Variants in APLF observed in about 807,000 individuals in gnomAD.
APLF encodes aprataxin and PNK-like factor.
A neutral mutation model predicts 55.6 loss-of-function variants in APLF; 61 were observed. That is an observed-to-expected ratio of 1.10 (90% CI 0.89 to 1.36). The LOEUF is 1.36. Ranked by LOEUF, APLF falls within the 40% of genes most tolerant of loss-of-function variation. The pLI, the probability that APLF is intolerant of heterozygous loss-of-function variation, is 0.00. For synonymous variants in APLF, 207 were observed against 214.8 expected, an observed-to-expected ratio of 0.96 and a Z score of 0.32; for missense variants, 611 against 602.5, an observed-to-expected ratio of 1.01 and a Z score of -0.15.
chr2:68,471,917 C>G (rs1675629060), intron 1 of APLF, among the ~76,000 whole-genome samples: 1 of 152,070 alleles, frequency 6.6e-6, no homozygotes, highest in Non-Finnish European at 1.5e-5. Context: ...GGTCAGGGTA[C>G]AGCTTGGTTT....
chr2:68,515,783 A>G lies in APLF; in HGVS notation c.622+2103A>G, dbSNP rs1037990059. On this transcript the variant is annotated intron_variant, in intron 5 of 9. Transcript: ENST00000303795. Reference sequence around the variant, plus strand: ...ACCGTGGGAGAAGTACTTTATAAGAACAAGATTAGGTTACTTAATTCCTTT... The same window carrying G: ...ACCGTGGGAGAAGTACTTTATAAGAGCAAGATTAGGTTACTTAATTCCTTT... 1.0e-5 allele frequency: 10 copies of G among 954,806 alleles called. No homozygotes were observed. In the African/African-American group the frequency reaches 1.8e-4, roughly 17 times the overall value. The allele number at this position is 954,806 out of a possible 1,614,324, so 59.1% of individuals were successfully genotyped here.
intron 6 of APLF, among the ~76,000 whole-genome samples, chr2:68,528,006 C>A (rs1670125931): frequency 6.6e-6 from 1 of 151,478 alleles, no homozygotes; most frequent in South Asian, 2.1e-4. Context: ...GCGCTCGTCA[C>A]TTCCCAGAGA....
At chr2:68,471,152 C>T (rs573762604) in intron 1 of APLF, among the ~76,000 whole-genome samples, 3 of 152,300 alleles carry the variant, frequency 2.0e-5, no homozygotes, top group Admixed American at 6.5e-5. Context: ...TTCGGCATCT[C>T]AGCCTCTCAT....
rs78019533 is a variant in APLF, at chr2:68,512,158, A to G, written c.342-922A>G. 5.4e-3 allele frequency among the ~76,000 whole-genome samples: 814 copies of G among 151,750 alleles called. 58 individuals are homozygous for G. The East Asian group carries it at 0.14, about 27-fold the overall frequency. On this transcript the variant is annotated intron_variant, in intron 3 of 9. Transcript: ENST00000303795. Reference sequence around the variant, plus strand: ...AAATACTACTAGAGTGAGATATAGAACATTTCCATTTCCCCAAATGTTCTC... The same window carrying G: ...AAATACTACTAGAGTGAGATATAGAGCATTTCCATTTCCCCAAATGTTCTC...
intron 1 of APLF, among the ~76,000 whole-genome samples, chr2:68,470,413 A>T (rs1675580789): frequency 6.6e-6 from 1 of 152,200 alleles, no homozygotes; most frequent in Admixed American, 6.5e-5. Context: ...TGTCAGTATC[A>T]ATATCTTAGG....
At chr2:68,472,700 T>C (rs1162299756) in intron 1 of APLF, among the ~76,000 whole-genome samples, 1 of 151,954 alleles carries the variant, frequency 6.6e-6, no homozygotes, top group Non-Finnish European at 1.5e-5. Context: ...GTGGAGTGGG[T>C]GGTGTAAGGA....
chr2:68,555,042 G>A (rs13013478), intron 8 of APLF, among the ~76,000 whole-genome samples: 14,107 of 151,886 alleles, frequency 0.093, 789 homozygotes, highest in African/African-American at 0.14. Flanking sequence ...AAAGATGTTT[G>A]TGTTTATAAA....
At chr2:68,575,672 A>G (rs1226879116) in intron 9 of APLF, among the ~76,000 whole-genome samples, 1 of 152,012 alleles carries the variant, frequency 6.6e-6, no homozygotes, top group Non-Finnish European at 1.5e-5. Flanking sequence ...GGTGAGGGAT[A>G]TTAAAGGATG....
intron 7 of APLF, among the ~76,000 whole-genome samples, chr2:68,540,070 A>C (rs970115341): frequency 6.6e-6 from 1 of 152,162 alleles, no homozygotes; most frequent in Non-Finnish European, 1.5e-5. Flanking sequence ...ATAGGTATAC[A>C]TGTGCCATGG....
At chr2:68,498,043 GC>G (rs1676612474) in intron 2 of APLF, among the ~76,000 whole-genome samples, 1 of 152,118 alleles carries the variant, frequency 6.6e-6, no homozygotes, top group Non-Finnish European at 1.5e-5. Context: ...TCTACAAGGT[GC>G]AATTTAAAGA....
chr2:68,539,320 C>G (rs1670485930), intron 7 of APLF, among the ~76,000 whole-genome samples: 1 of 152,122 alleles, frequency 6.6e-6, no homozygotes, highest in East Asian at 1.9e-4. Context: ...TGTATTTTCC[C>G]ATAGTTCTGG....
At chr2:68,509,933 C>G (rs1182324840) in intron 3 of APLF, among the ~76,000 whole-genome samples, 2 of 151,664 alleles carry the variant, frequency 1.3e-5, no homozygotes, top group Non-Finnish European at 2.9e-5. Flanking sequence ...ATGGATGAAG[C>G]TGGAAACCAT....
intron 5 of APLF, among the ~76,000 whole-genome samples, chr2:68,522,217 CAT>C (rs1669917433): frequency 1.3e-5 from 2 of 151,636 alleles, no homozygotes; most frequent in Admixed American, 6.6e-5. Flanking sequence ...ATAGTCATAT[CAT>C]GTTTAGTATG....
chr2:68,508,620 A>C (rs907713758), intron 3 of APLF, among the ~76,000 whole-genome samples: 1 of 151,968 alleles, frequency 6.6e-6, no homozygotes, highest in Non-Finnish European at 1.5e-5. Context: ...TTACACTTAA[A>C]AGTTCTGTGC....
chr2:68,511,841 A>G (rs2103950260), intron 3 of APLF, among the ~76,000 whole-genome samples: 1 of 151,770 alleles, frequency 6.6e-6, no homozygotes, highest in East Asian at 1.9e-4. Context: ...GAATGAACAA[A>G]AAATGTGATG....
At position 68,578,130 on chromosome 2, in the gene APLF, A is replaced by C; in HGVS notation, c.*108A>C. On this transcript the variant is annotated 3_prime_UTR_variant, in exon 10 of 10. Transcript: ENST00000303795. ...TGACAGTTATTTTCCTTCTTTTGAT[A>C]GTTAATGACTTTTACTACTGACTCT... 1 of 1,455,300 alleles carries C rather than the reference A, an allele frequency of 6.9e-7. No homozygotes were observed. Among genetic ancestry groups the C allele is most frequent in the African/African-American group, 1.4e-5 (1 of 70,242 alleles). 90.1% of individuals were successfully genotyped at this position (1,455,300 alleles called of 1,614,324 possible).
chr2:68,499,880 A>G (rs1206810913), intron 2 of APLF, among the ~76,000 whole-genome samples: 1 of 152,150 alleles, frequency 6.6e-6, no homozygotes, highest in African/African-American at 2.4e-5. Flanking sequence ...CAGGCTGCAC[A>G]TACATACACG....
intron 5 of APLF, among the ~76,000 whole-genome samples, chr2:68,518,321 A>G (rs1475651171): frequency 4.4e-5 from 5 of 113,164 alleles, no homozygotes; most frequent in Non-Finnish European, 6.5e-5. Context: ...ATTTAATAAT[A>G]TATAATATAT....
At chr2:68,560,871 A>C (rs572973883) in intron 8 of APLF, among the ~76,000 whole-genome samples, 12 of 152,280 alleles carry the variant, frequency 7.9e-5, no homozygotes, top group African/African-American at 2.9e-4. Flanking sequence ...TATTCCCCCA[A>C]AGAGTTGTAC....
Sources: gnomAD v4.1 joint callset for allele counts (sites outside exome capture counted in the v4.1 genomes callset) on GRCh38, gnomAD v4.1.1 for gene constraint, MANE v1.5 for transcripts, NCBI Gene and HGNC (gene_info 2026-07-23, HGNC 2026-07-21) for gene names.